Variants in GAPVD1 observed in about 807,000 individuals in gnomAD.
The protein encoded by GAPVD1 is GTPase-activating protein and VPS9 domain-containing protein 1.
A neutral mutation model predicts 155.5 loss-of-function variants in GAPVD1; 35 were observed. The observed-to-expected ratio is 0.23, with a 90% confidence interval of 0.17 to 0.30. The LOEUF (loss-of-function observed/expected upper bound fraction) is 0.30. GAPVD1 is among the 10% of genes least tolerant of loss of function. The probability of loss-of-function intolerance (pLI) is 1.00; values close to 1 mark genes in which losing one functional copy is unlikely to be tolerated. For missense variants in GAPVD1, 1,429 were observed against 1,775.7 expected (o/e 0.80, Z 3.51); for synonymous variants, 636 against 619.7 (o/e 1.03, Z -0.39).
intron 10 of GAPVD1, among the ~76,000 whole-genome samples, chr9:125,322,148 TC>T (rs1290146058): frequency 2.0e-5 from 3 of 151,992 alleles, no homozygotes; most frequent in African/African-American, 7.2e-5. Flanking sequence ...CACTGCAAGC[TC>T]CGCCTCCCGG....
rs1307278227 is a variant in GAPVD1 at position 125,363,998 on chromosome 9, C to CT, written c.*1254dup. Reference sequence around the variant, plus strand: ...GCACACCAAAGCTTCAAGCACAAGTCTTGTACATGGGCCATCACTGTCTGG... The same window carrying CT: ...GCACACCAAAGCTTCAAGCACAAGTCTTTGTACATGGGCCATCACTGTCTGG... On this transcript the variant is annotated 3_prime_UTR_variant, in exon 28 of 28. Coordinates refer to ENST00000297933, the MANE Select transcript of GAPVD1 (RefSeq NM_001282680.3). 1 of 152,574 alleles carries CT rather than the reference C, an allele frequency of 6.6e-6. No individual in the cohort carries two copies. Among genetic ancestry groups the CT allele is most frequent in the Admixed American group, 6.6e-5 (1 of 15,252 alleles). 9.5% of individuals were successfully genotyped at this position (152,574 alleles called of 1,614,324 possible).
chr9:125,275,727 G>C (rs904206109), intron 2 of GAPVD1, among the ~76,000 whole-genome samples: 2 of 152,104 alleles, frequency 1.3e-5, no homozygotes, highest in Non-Finnish European at 2.9e-5. Context: ...CTGCACTCTA[G>C]CCTGGGGGAC....
rs866305573 is a variant in GAPVD1 at position 125,300,078 on chromosome 9, T to A, written c.185+972T>A. ...ATATATATATATATATATATATATA[T>A]ATATATATATATATATGTATTTCCA... On this transcript the variant is annotated intron_variant, in intron 4 of 27. Coordinates refer to ENST00000297933, the MANE Select transcript of GAPVD1 (RefSeq NM_001282680.3). Among the ~76,000 whole-genome samples the A allele has an allele frequency of 6.3e-4, 64 of 101,960 alleles. 6 individuals carry two copies. The highest frequency in any genetic ancestry group is 7.8e-4 in the Non-Finnish European group (40 of 51,330). 66.9% of individuals were successfully genotyped at this position (101,960 alleles called of 152,430 possible).
At position 125,264,075 on chromosome 9, in the gene GAPVD1, T is replaced by C. The variant is rs1008424126; in HGVS notation, c.-199+2116T>C. The C allele has an allele frequency of 1.1e-5, 9 of 850,168 alleles. No homozygotes were observed. In the Admixed American group the frequency reaches 1.1e-4, roughly 10 times the overall value. 52.7% of individuals were successfully genotyped at this position (850,168 alleles called of 1,614,324 possible). On this transcript the variant is annotated intron_variant, in intron 1 of 27. Transcript: ENST00000297933. ...CCCTCCTTAAAAAGGAGTTCATAAA[T>C]GGCAATCTGGTTCTTTAGAAGAACA...
intron 5 of GAPVD1, among the ~76,000 whole-genome samples, chr9:125,303,547 C>T (rs1394058953): frequency 2.0e-5 from 3 of 151,528 alleles, no homozygotes; most frequent in African/African-American, 7.3e-5. Context: ...GAGGCCGAGG[C>T]GGGCGGATCA....
intron 23 of GAPVD1, among the ~76,000 whole-genome samples, 153 bp from the exon 24 acceptor site, chr9:125,354,501 T>A (rs987224303): frequency 2.6e-5 from 4 of 152,196 alleles, no homozygotes; most frequent in Admixed American, 6.5e-5. Context: ...GACATGCTAC[T>A]TTGTATATGT....
At chr9:125,265,546 G>A (rs977742821) in intron 1 of GAPVD1, among the ~76,000 whole-genome samples, 1 of 150,772 alleles carries the variant, frequency 6.6e-6, no homozygotes, top group African/African-American at 2.4e-5. Flanking sequence ...TCCTGGGCTG[G>A]GACTACAGGC....
In GAPVD1 at chr9:125,332,518, G is replaced by A; in HGVS notation, c.2317G>A (p.Ala773Thr). ...ACTATTGTTTTTTAAAGGCATAAGT[G>A]CAACCTCTGAGGATATTCCCAATAA... ...PGLSVVSGIS[A>T]TSEDIPNKIE... is the part of the protein sequence containing the mutation. The change falls in exon 15 of 28, where the codon GCA becomes ACA. Residue 773 changes from alanine (A) to threonine (T), a missense_variant. Around this residue, in one of 4 missense-constraint regions of GAPVD1, gnomAD observed 699 missense variants for 826.0 expected, o/e 0.85. Transcript: ENST00000297933. 6.3e-7 allele frequency: 1 copy of A among 1,595,980 alleles called. No individual in the cohort carries two copies. Among genetic ancestry groups the A allele is most frequent in the Admixed American group, 1.8e-5 (1 of 55,966 alleles).
chr9:125,326,482 C>T lies in GAPVD1; in HGVS notation c.1925C>T (p.Thr642Ile), dbSNP rs768196956. The T allele has an allele frequency of 4.4e-6, 7 of 1,608,150 alleles. No individual in the cohort carries two copies. The highest frequency in any genetic ancestry group is 1.7e-5 in the Admixed American group (1 of 59,990). Reference protein sequence around the residue: ...KFEIRDMMGLTDDRDISETVS... With the variant: ...KFEIRDMMGLIDDRDISETVS... The stretch of plus-strand genomic sequence containing the variant: ...GAAATTCGTGACATGATGGGATTAA[C>T]AGATGATAGGGACATATCAGAAACA... Residue 642 changes from threonine (T) to isoleucine (I), a missense_variant, in exon 12 of 28, where the codon ACA (threonine) becomes ATA (isoleucine). Thr to Ile is a moderately conservative substitution (Grantham distance 89). This residue lies in a region of GAPVD1 where 699 missense variants were observed against 826.0 expected (regional missense o/e 0.85). Coordinates refer to ENST00000297933, the MANE Select transcript of GAPVD1 (RefSeq NM_001282680.3).
chr9:125,359,351 A>T (rs1462943919), intron 25 of GAPVD1, 69 bp from the exon 26 acceptor site: 12 of 873,466 alleles, frequency 1.4e-5, no homozygotes, highest in Admixed American at 1.0e-4. Flanking sequence ...TGTAAAAATC[A>T]ATGATGACTG....
At chr9:125,330,968 G>C (rs1455553102) in intron 13 of GAPVD1, among the ~76,000 whole-genome samples, 1 of 144,502 alleles carries the variant, frequency 6.9e-6, no homozygotes, top group Non-Finnish European at 1.5e-5. Flanking sequence ...TTGAAATTGA[G>C]ATTCTGTAAT....
intron 2 of GAPVD1, among the ~76,000 whole-genome samples, chr9:125,273,289 A>G (rs1007504593): frequency 1.3e-5 from 2 of 152,156 alleles, no homozygotes; most frequent in Non-Finnish European, 2.9e-5. Flanking sequence ...GTATAATTTT[A>G]ATGCCATTGC....
chr9:125,302,862 G>C, intron 5 of GAPVD1, 36 bp downstream of exon 5: 1 of 1,546,618 alleles, frequency 6.5e-7, no homozygotes, highest in Non-Finnish European at 8.7e-7. Context: ...GTGGCATTTA[G>C]TTTAAAATTC....
chr9:125,335,025 T>G (rs1846677218), intron 15 of GAPVD1: 1 of 488,182 alleles, frequency 2.0e-6, no homozygotes, highest in African/African-American at 2.0e-5. Context: ...GTTCATTGAT[T>G]TGGTTTCAAA....
intron 23 of GAPVD1, 67 bp from the exon 24 acceptor site, chr9:125,354,587 C>A: frequency 9.6e-7 from 1 of 1,042,194 alleles, no homozygotes; most frequent in Non-Finnish European, 1.4e-6. Context: ...AAAGTTAGGA[C>A]CCTTATTCTT....
chr9:125,319,145 CAGCCT>C (rs776278511), intron 9 of GAPVD1, among the ~76,000 whole-genome samples: 3 of 151,816 alleles, frequency 2.0e-5, no homozygotes, highest in Non-Finnish European at 2.9e-5. Context: ...CATTGCACTC[CAGCCT>C]AGGTGAAAGA....
chr9:125,321,581 C>G lies in GAPVD1; in HGVS notation c.1732+19C>G. On this transcript the variant is annotated intron_variant, in intron 10 of 27. Coordinates refer to ENST00000297933, the MANE Select transcript of GAPVD1 (RefSeq NM_001282680.3). ...TCTGAAGGTGAAGGGTTACTTCATT[C>G]AAGGAGTTGTGTGGTTCAATTAATA... The G allele has an allele frequency of 6.2e-7, 1 of 1,606,056 alleles. No homozygotes were observed. The highest frequency in any genetic ancestry group is 8.5e-7 in the Non-Finnish European group (1 of 1,175,632).
In GAPVD1 at chr9:125,302,458, A is replaced by G; in HGVS notation, c.661A>G (p.Lys221Glu). The change falls in exon 5 of 28, where the codon AAG (lysine) becomes GAG (glutamate). Residue 221 changes from lysine to glutamate, a missense_variant. Coordinates refer to ENST00000297933, the MANE Select transcript of GAPVD1 (RefSeq NM_001282680.3). ...DEDHLETDPN[K>E]LIERFSPSQQ... Reference sequence around the variant, plus strand: ...AGATCACCTGGAAACAGATCCAAACAAGCTAATTGAGAGGTTCTCTCCATC... The same window carrying G: ...AGATCACCTGGAAACAGATCCAAACGAGCTAATTGAGAGGTTCTCTCCATC... 6.2e-7 allele frequency: 1 copy of G among 1,613,752 alleles called. No individual in the cohort carries two copies. Among genetic ancestry groups the G allele is most frequent in the Non-Finnish European group, 8.5e-7 (1 of 1,179,880 alleles).
At chr9:125,279,408 A>G (rs990808438) in intron 2 of GAPVD1, among the ~76,000 whole-genome samples, 4 of 151,636 alleles carry the variant, frequency 2.6e-5, no homozygotes, top group African/African-American at 9.7e-5. Context: ...TGTCTCTACA[A>G]AAATACAAAA....
Sources: allele counts gnomAD v4.1 joint callset (sites outside exome capture counted in the v4.1 genomes callset), GRCh38; gene constraint gnomAD v4.1.1; regional missense constraint gnomAD v4.1.1; transcripts MANE v1.5; gene names NCBI Gene and HGNC (gene_info 2026-07-23, HGNC 2026-07-21).